The following GRID1 variants were observed in gnomAD, a reference collection of about 807,000 sequenced individuals.
GRID1 encodes glutamate receptor ionotropic, delta-1.
Under a neutral mutation model 98.0 loss-of-function variants are expected in GRID1, and 28 were observed. That is an observed-to-expected ratio of 0.29 (90% confidence interval 0.21 to 0.39). The LOEUF (loss-of-function observed/expected upper bound fraction) is 0.39, where lower values mean the gene tolerates loss of function less well. GRID1 is among the 10% of genes least tolerant of loss of function. GRID1 has a pLI of 1.00. For synonymous variants in GRID1, 553 were observed against 538.5 expected (o/e 1.03, Z -0.37); for missense variants, 1,111 against 1,340.5 (o/e 0.83, Z 2.67).
At chr10:85,928,594 C>T (rs1272527901) in intron 4 of GRID1, among the ~76,000 whole-genome samples, 1 of 152,372 alleles carries the variant, frequency 6.6e-6, no homozygotes, top group East Asian at 1.9e-4. Flanking sequence ...GACTGATTCA[C>T]TATTGCGGAG....
At chr10:86,109,501 G>A (rs1440983757) in intron 4 of GRID1, among the ~76,000 whole-genome samples, 1 of 152,206 alleles carries the variant, frequency 6.6e-6, no homozygotes, top group Non-Finnish European at 1.5e-5. Flanking sequence ...GCCCATGCTG[G>A]CTCCCTCTCA....
At chr10:85,809,606 A>G (rs1045758733) in intron 8 of GRID1, among the ~76,000 whole-genome samples, 1 of 152,234 alleles carries the variant, frequency 6.6e-6, no homozygotes, top group African/African-American at 2.4e-5. Flanking sequence ...AAGACCTGCC[A>G]CACATTTCTC....
chr10:85,617,717 T>C (rs953165553), intron 14 of GRID1, among the ~76,000 whole-genome samples: 2 of 152,156 alleles, frequency 1.3e-5, no homozygotes, highest in African/African-American at 4.8e-5. Context: ...TGAAAGCAAA[T>C]AGTAATCAAT....
chr10:86,250,986 T>G (rs190107546), intron 2 of GRID1, among the ~76,000 whole-genome samples: 2 of 152,210 alleles, frequency 1.3e-5, no homozygotes, highest in African/African-American at 4.8e-5. Flanking sequence ...GACTCCATTT[T>G]GTCCTGTACT....
At chr10:85,936,154 G>T (rs1293296716) in intron 4 of GRID1, among the ~76,000 whole-genome samples, 3 of 152,224 alleles carry the variant, frequency 2.0e-5, no homozygotes, top group Non-Finnish European at 4.4e-5. Context: ...GTCAGGGAAG[G>T]TTTCTTGGAA....
At chr10:85,963,513 CT>C (rs948690296) in intron 4 of GRID1, among the ~76,000 whole-genome samples, 9 of 152,162 alleles carry the variant, frequency 5.9e-5, no homozygotes, top group African/African-American at 1.9e-4. Context: ...GCTCTCATAG[CT>C]TTTCAAAAAA....
intron 4 of GRID1, among the ~76,000 whole-genome samples, chr10:86,019,177 C>T (rs1843017303): frequency 6.6e-6 from 1 of 152,214 alleles, no homozygotes; most frequent in Non-Finnish European, 1.5e-5. Context: ...AAAGCCCACT[C>T]AGAAACACAA....
chr10:85,773,091 C>T (rs994238688), intron 8 of GRID1, among the ~76,000 whole-genome samples: 82 of 152,236 alleles, frequency 5.4e-4, no homozygotes, highest in Non-Finnish European at 7.4e-4. Flanking sequence ...ACTGGCAAAC[C>T]GAATCCAGCA....
At chr10:85,948,511 A>T (rs1842079910) in intron 4 of GRID1, among the ~76,000 whole-genome samples, 1 of 152,206 alleles carries the variant, frequency 6.6e-6, no homozygotes, top group African/African-American at 2.4e-5. Flanking sequence ...AATAATAAGG[A>T]TGTGTAGATA....
chr10:85,829,673 C>A (rs905331787), intron 8 of GRID1, among the ~76,000 whole-genome samples: 10 of 152,002 alleles, frequency 6.6e-5, no homozygotes, highest in African/African-American at 2.4e-4. Context: ...AGTGGAGAGC[C>A]AAATTAAGAA....
At chr10:85,658,367 C>T (rs769228677) in intron 12 of GRID1, among the ~76,000 whole-genome samples, 5 of 152,206 alleles carry the variant, frequency 3.3e-5, no homozygotes, top group Non-Finnish European at 7.3e-5. Flanking sequence ...CTTCATTGAA[C>T]CCTGGCAATA....
intron 8 of GRID1, among the ~76,000 whole-genome samples, chr10:85,825,516 T>C (rs999362909): frequency 2.4e-4 from 36 of 152,192 alleles, no homozygotes; most frequent in African/African-American, 8.2e-4. Flanking sequence ...TCTTTTGCTG[T>C]GCAGAAGCAT....
chr10:86,198,171 G>A (rs1377288988), intron 3 of GRID1, among the ~76,000 whole-genome samples: 2 of 152,044 alleles, frequency 1.3e-5, no homozygotes, highest in South Asian at 2.1e-4. Context: ...GTGAGATCCC[G>A]ACAGATATTT....
intron 4 of GRID1, among the ~76,000 whole-genome samples, chr10:85,990,545 C>T (rs1052513790): frequency 6.6e-6 from 1 of 152,136 alleles, no homozygotes; most frequent in Non-Finnish European, 1.5e-5. Flanking sequence ...ACCGAGGTGC[C>T]CTTAAGAAAA....
intron 3 of GRID1, among the ~76,000 whole-genome samples, chr10:86,144,966 T>C (rs1845064034): frequency 6.6e-6 from 1 of 152,194 alleles, no homozygotes; most frequent in South Asian, 2.1e-4. Context: ...TGCAACAGTG[T>C]CCTGCAGGGT....
In GRID1 at chr10:86,365,007, G is replaced by A. The variant is rs912535524; in HGVS notation, c.80-911C>T. 6.6e-6 allele frequency among the ~76,000 whole-genome samples: 1 copy of A among 152,082 alleles called. No individual in the cohort carries two copies. The highest frequency in any genetic ancestry group is 6.5e-5 in the Admixed American group (1 of 15,268). The stretch of plus-strand genomic sequence containing the variant: ...CTCTGGAGTCAGCCACCCACATCCC[G>A]CCTCACCAAGCCTCGAGGGTCCCTG... On this transcript the variant is annotated intron_variant, in intron 1 of 15. Coordinates refer to ENST00000327946, the MANE Select transcript of GRID1 (RefSeq NM_017551.3). This position sits in a 1 kb window ranked among gnomAD's most constrained non-coding sequence, Gnocchi z 4.8.
At chr10:86,066,718 C>T (rs974550586) in intron 4 of GRID1, among the ~76,000 whole-genome samples, 3 of 152,232 alleles carry the variant, frequency 2.0e-5, no homozygotes, top group African/African-American at 7.2e-5. Flanking sequence ...AAGCAACACT[C>T]TTCTGCAAAT....
At chr10:86,077,909 G>A (rs764035275) in intron 4 of GRID1, among the ~76,000 whole-genome samples, 50 of 152,260 alleles carry the variant, frequency 3.3e-4, no homozygotes, top group Non-Finnish European at 6.3e-4. Flanking sequence ...CACTTGGCCT[G>A]GCCTACAAAG....
chr10:86,119,236 G>A (rs757949097), intron 4 of GRID1, among the ~76,000 whole-genome samples: 6 of 152,288 alleles, frequency 3.9e-5, no homozygotes, highest in Admixed American at 2.0e-4. Context: ...TTGGGAGGCT[G>A]AAATGGGAAG....
Sources: allele counts gnomAD v4.1 joint callset (sites outside exome capture counted in the v4.1 genomes callset), GRCh38; gene constraint gnomAD v4.1.1; non-coding constraint Gnocchi (gnomAD v3.1); transcripts MANE v1.5; gene names NCBI Gene and HGNC (gene_info 2026-07-23, HGNC 2026-07-21).